BLTP1: variants seen among roughly 807,000 people sequenced by gnomAD.
The protein encoded by BLTP1 is bridge-like lipid transfer protein family member 1, also known as fragile site-associated protein.
chr4:122,235,464 A>G, the BLTP1 span: 12 of 976,514 alleles, frequency 1.2e-5, no homozygotes, highest in Non-Finnish European at 1.5e-5. Flanking sequence ...TAGTTTCCTT[A>G]TAGTAAAATT....
the BLTP1 span, chr4:122,211,007 C>G: frequency 6.2e-7 from 1 of 1,611,774 alleles, no homozygotes; most frequent in Non-Finnish European, 8.5e-7. Context: ...GAACTTCCAC[C>G]TGATAAACTT....
chr4:122,287,002 T>C, the BLTP1 span, among the ~76,000 whole-genome samples: 1 of 152,206 alleles, frequency 6.6e-6, no homozygotes, highest in African/African-American at 2.4e-5. Context: ...TTACACATGC[T>C]TTTAAAAATA....
At chr4:122,343,577 GT>G in the BLTP1 span, 3 of 1,613,950 alleles carry the variant, frequency 1.9e-6, no homozygotes, top group Non-Finnish European at 2.5e-6. Flanking sequence ...AAAAACTGCT[GT>G]TTCTGGCCTC....
the BLTP1 span, chr4:122,174,874 AATCT>A: frequency 7.4e-6 from 2 of 271,026 alleles, no homozygotes; most frequent in Non-Finnish European, 1.1e-5. Context: ...AGAAATGAAT[AATCT>A]TTCATTTCTA....
chr4:122,221,400 AC>A, the BLTP1 span, among the ~76,000 whole-genome samples: 2 of 152,134 alleles, frequency 1.3e-5, no homozygotes, highest in African/African-American at 4.8e-5. Context: ...CTGGTTTTAA[AC>A]TTTTATTTTG....
chr4:122,347,411 A>ATTCCTTCT, the BLTP1 span: 1 of 1,385,086 alleles, frequency 7.2e-7, no homozygotes, highest in Non-Finnish European at 9.7e-7. Flanking sequence ...AGAGAACTAG[A>ATTCCTTCT]AGGAATATGT....
the BLTP1 span, among the ~76,000 whole-genome samples, chr4:122,213,937 A>G: frequency 1.3e-5 from 2 of 152,082 alleles, no homozygotes; most frequent in African/African-American, 2.4e-5. Flanking sequence ...ATGAAGAAAA[A>G]TAAATCTTTT....
chr4:122,203,793 A>C, the BLTP1 span: 1 of 517,724 alleles, frequency 1.9e-6, no homozygotes, highest in South Asian at 8.7e-5. Flanking sequence ...TAAAGAAAAA[A>C]ACTAACACGA....
chr4:122,166,452 T>A, the BLTP1 span, among the ~76,000 whole-genome samples: 1 of 152,216 alleles, frequency 6.6e-6, no homozygotes, highest in East Asian at 1.9e-4. Context: ...TTGGTACCAG[T>A]ACCATGCTGT....
At chr4:122,360,698 A>C in the BLTP1 span, among the ~76,000 whole-genome samples, 2 of 152,360 alleles carry the variant, frequency 1.3e-5, no homozygotes, top group Middle Eastern at 6.8e-3. Context: ...CTAAATAAGC[A>C]AAACACTTTG....
the BLTP1 span, among the ~76,000 whole-genome samples, chr4:122,293,570 G>A: frequency 1.3e-5 from 2 of 151,934 alleles, no homozygotes; most frequent in African/African-American, 2.4e-5. Flanking sequence ...TGGGTCCGAA[G>A]CACAGAGCTG....
the BLTP1 span, among the ~76,000 whole-genome samples, chr4:122,191,004 G>C: frequency 6.6e-6 from 1 of 152,090 alleles, no homozygotes; most frequent in African/African-American, 2.4e-5. Context: ...TCAAGGAAAT[G>C]GTTCCTAATT....
chr4:122,228,317 T>C, the BLTP1 span, among the ~76,000 whole-genome samples: 1 of 152,228 alleles, frequency 6.6e-6, no homozygotes, highest in Non-Finnish European at 1.5e-5. Context: ...ATGCTGTATA[T>C]ACCTGTGTAA....
chr4:122,234,095 TTTCTA>T, the BLTP1 span: 1 of 157,130 alleles, frequency 6.4e-6, no homozygotes, highest in Non-Finnish European at 1.4e-5. Context: ...ATCTCACAGA[TTTCTA>T]TTATATAATA....
chr4:122,185,564 G>A, the BLTP1 span: 6 of 444,950 alleles, frequency 1.3e-5, no homozygotes, highest in Admixed American at 1.3e-4. Flanking sequence ...TAAAACCTAT[G>A]TTTTAGTGTT....
the BLTP1 span, among the ~76,000 whole-genome samples, chr4:122,288,078 A>G: frequency 0.064 from 9,766 of 152,200 alleles, 886 homozygotes; most frequent in African/African-American, 0.2. Flanking sequence ...CATCCCTCTT[A>G]GAGTTGCCTA....
At chr4:122,178,833 A>T in the BLTP1 span, among the ~76,000 whole-genome samples, 4 of 152,338 alleles carry the variant, frequency 2.6e-5, no homozygotes, top group Non-Finnish European at 4.4e-5. Flanking sequence ...TACATAGAAG[A>T]TGTTGAATAA....
the BLTP1 span, among the ~76,000 whole-genome samples, chr4:122,285,679 A>G: frequency 2.5e-4 from 38 of 152,340 alleles, no homozygotes; most frequent in Middle Eastern, 3.4e-3. Context: ...GGGATATATA[A>G]TAAATTATAT....
At chr4:122,177,768 T>A in the BLTP1 span, among the ~76,000 whole-genome samples, 8 of 152,104 alleles carry the variant, frequency 5.3e-5, no homozygotes, top group Non-Finnish European at 8.8e-5. Context: ...CTATCCTCTA[T>A]CAATGAAGCT....
Sources: gnomAD v4.1 joint callset for allele counts (sites outside exome capture counted in the v4.1 genomes callset) on GRCh38, gnomAD v4.1.1 for gene constraint, MANE v1.5 for transcripts, NCBI Gene and HGNC (gene_info 2026-07-23, HGNC 2026-07-21) for gene names.